Variants in NOSTRIN observed in about 807,000 individuals in gnomAD.
NOSTRIN encodes the protein nitric oxide synthase trafficking.
Under a neutral mutation model 59.0 loss-of-function variants are expected in NOSTRIN, and 63 were observed. The ratio of observed to expected loss-of-function variants is 1.07; its 90% CI spans 0.87 to 1.32. The LOEUF (loss-of-function observed/expected upper bound fraction) is 1.32, where lower values mean the gene tolerates loss of function less well. Among genes scored for constraint, NOSTRIN ranks in the 40% most tolerant of loss-of-function variants. NOSTRIN has a pLI of 0.00. For synonymous variants in NOSTRIN, 200 were observed against 165.4 expected (o/e 1.21, Z -1.61); for missense variants, 512 against 473.1 (o/e 1.08, Z -0.76).
intron 10 of NOSTRIN, among the ~76,000 whole-genome samples, chr2:168,854,279 T>G (rs1211223579): frequency 1.3e-5 from 2 of 152,198 alleles, no homozygotes; most frequent in Admixed American, 1.3e-4. Flanking sequence ...TCCTCACACT[T>G]CTTGTTTGTG....
intron 2 of NOSTRIN, among the ~76,000 whole-genome samples, chr2:168,823,320 G>C (rs1686865516): frequency 6.6e-6 from 1 of 152,158 alleles, no homozygotes; most frequent in Non-Finnish European, 1.5e-5. Flanking sequence ...CCGGCCAGTT[G>C]CATTAGTTTT....
At chr2:168,793,590 G>A (rs1357717198), upstream of NOSTRIN, among the ~76,000 whole-genome samples, 3 of 152,180 alleles carry the variant, frequency 2.0e-5, no homozygotes, top group Non-Finnish European at 1.5e-5. Flanking sequence ...CAGCCTGAGT[G>A]ACAGAGTGAG....
At chr2:168,823,464 C>G (rs1686873943) in intron 2 of NOSTRIN, among the ~76,000 whole-genome samples, 1 of 152,154 alleles carries the variant, frequency 6.6e-6, no homozygotes, top group South Asian at 2.1e-4. Context: ...GTGCCTCTGT[C>G]CTGGCTCCTG....
chr2:168,831,202 T>G (rs1337962945), intron 5 of NOSTRIN, among the ~76,000 whole-genome samples: 1 of 152,200 alleles, frequency 6.6e-6, no homozygotes, highest in Non-Finnish European at 1.5e-5. Context: ...GCCCACTTCC[T>G]GGTTCATCAG....
intron 11 of NOSTRIN, chr2:168,856,391 A>G (rs1689110570): frequency 6.0e-6 from 2 of 335,266 alleles, no homozygotes; most frequent in Admixed American, 4.4e-5. Flanking sequence ...TTTGGCCAAC[A>G]TGATGAAACT....
chr2:168,807,339 G>C (rs1033432251), intron 1 of NOSTRIN, among the ~76,000 whole-genome samples: 1 of 152,178 alleles, frequency 6.6e-6, no homozygotes, highest in African/African-American at 2.4e-5. Context: ...AAGTGGGTCT[G>C]CTTTTCACAG....
chr2:168,864,658 G>C (rs1458043875), intron 15 of NOSTRIN, among the ~76,000 whole-genome samples, 176 bp from the exon 16 acceptor site: 1 of 152,104 alleles, frequency 6.6e-6, no homozygotes, highest in Non-Finnish European at 1.5e-5. Context: ...GTATCCTCTG[G>C]ATTATGCCTG....
rs192270916 is a variant in NOSTRIN at position 168,840,387 on chromosome 2, G to A, written c.505-2605G>A. ...CTACTAAAAATACAAAAAATTAGCC[G>A]GGCGTGGTGGCAGGCACCTGTAGTC... On this transcript the variant is annotated intron_variant, in intron 7 of 15. Transcript: ENST00000317647. 1.2e-3 allele frequency among the ~76,000 whole-genome samples: 190 copies of A among 152,016 alleles called. 1 individual carries two copies. The highest frequency in any genetic ancestry group is 4.1e-3 in the African/African-American group (170 of 41,442).
At position 168,848,070 on chromosome 2, in the gene NOSTRIN, G is replaced by A. The variant is rs1031309573; in HGVS notation, c.631-3014G>A. ...TATTTTCTCTTCTCTCTTGCTCATA[G>A]GCTAAAACAGAAGAGCTGATTTCTA... On this transcript the variant is annotated intron_variant, in intron 8 of 15. Coordinates refer to ENST00000317647, the MANE Select transcript of NOSTRIN (RefSeq NM_001039724.4). Among the ~76,000 whole-genome samples the A allele has an allele frequency of 3.0e-4, 45 of 152,120 alleles. 1 individual carries two copies. The highest frequency in any genetic ancestry group is 4.4e-5 in the Non-Finnish European group (3 of 68,028).
chr2:168,799,140 T>C (rs955752904), upstream of NOSTRIN, among the ~76,000 whole-genome samples: 1 of 152,130 alleles, frequency 6.6e-6, no homozygotes, highest in Non-Finnish European at 1.5e-5. Flanking sequence ...CTTCCTCTTC[T>C]TTTCCTTTGA....
upstream of NOSTRIN, among the ~76,000 whole-genome samples, chr2:168,799,761 G>A (rs904760272): frequency 6.6e-6 from 1 of 152,218 alleles, no homozygotes; most frequent in African/African-American, 2.4e-5. Flanking sequence ...GAGAGGGAAA[G>A]AAAGACATAT....
intron 7 of NOSTRIN, among the ~76,000 whole-genome samples, 182 bp downstream of exon 7, chr2:168,834,507 G>GCACACACACACACACACACA (rs1553527194): frequency 2.4e-5 from 3 of 125,338 alleles, no homozygotes; most frequent in Admixed American, 7.7e-5. Flanking sequence ...GCGCGCGCGC[G>GCACACACACACACACACACA]CACACACACA....
chr2:168,844,642 G>A (rs1156701021), intron 8 of NOSTRIN, among the ~76,000 whole-genome samples: 17 of 152,140 alleles, frequency 1.1e-4, no homozygotes, highest in African/African-American at 3.6e-4. Flanking sequence ...AGGCAGAGGC[G>A]GGCGGATCAA....
Position 168,862,759 on chromosome 2 carries a change from C to A in NOSTRIN, c.1384+710C>A, listed in dbSNP as rs543630663. On this transcript the variant is annotated intron_variant, in intron 15 of 15. Coordinates refer to ENST00000317647, the MANE Select transcript of NOSTRIN (RefSeq NM_001039724.4). ...GAAGAAAGTCTCCAGCCTCAACCTT[C>A]TTTATGTGTCCAGTTAGAAACCATG... 6.6e-5 allele frequency among the ~76,000 whole-genome samples: 10 copies of A among 152,214 alleles called. No individual in the cohort carries two copies. In the East Asian group the frequency reaches 7.7e-4, roughly 12 times the overall value.
chr2:168,856,793 A>G lies in NOSTRIN; in HGVS notation c.1053+15A>G. 6.2e-7 allele frequency: 1 copy of G among 1,610,278 alleles called. No homozygotes were observed. The highest frequency in any genetic ancestry group is 8.5e-7 in the Non-Finnish European group (1 of 1,176,528). On this transcript the variant is annotated intron_variant, in intron 12 of 15. Transcript: ENST00000317647. ...TAATGGATGAGGTAAATGTTTGCCG[A>G]GTGCATTTCCTAGATGTAGTGATGA...
chr2:168,791,114 G>A (rs987740184), intron 2 of NOSTRIN, among the ~76,000 whole-genome samples: 4 of 151,914 alleles, frequency 2.6e-5, no homozygotes, highest in African/African-American at 4.8e-5. Flanking sequence ...TTAACATTAG[G>A]TATATCTCCT....
intron 1 of NOSTRIN, among the ~76,000 whole-genome samples, chr2:168,807,629 C>A (rs528088866): frequency 7.2e-5 from 11 of 152,264 alleles, no homozygotes; most frequent in African/African-American, 2.6e-4. Flanking sequence ...CTTGCATGTG[C>A]CTGGGCATAC....
At chr2:168,815,771 A>T (rs1686363931) in intron 2 of NOSTRIN, among the ~76,000 whole-genome samples, 1 of 152,206 alleles carries the variant, frequency 6.6e-6, no homozygotes, top group African/African-American at 2.4e-5. Context: ...TTCAAACCAT[A>T]TATATCACAG....
chr2:168,844,875 G>GAA (rs79074527), intron 8 of NOSTRIN, among the ~76,000 whole-genome samples: 5,797 of 142,558 alleles, frequency 0.041, 176 homozygotes, highest in Middle Eastern at 0.11. Flanking sequence ...GTCTCAAAAA[G>GAA]AAAAAAAAAA....
Sources: gnomAD v4.1 joint callset for allele counts (sites outside exome capture counted in the v4.1 genomes callset) on GRCh38, gnomAD v4.1.1 for gene constraint, MANE v1.5 for transcripts, NCBI Gene and HGNC (gene_info 2026-07-23, HGNC 2026-07-21) for gene names.